The following TAFA1 variants were observed in gnomAD, a reference collection of about 807,000 sequenced individuals.
The protein encoded by TAFA1 is chemokine-like protein TAFA-1.
TAFA1 carries 4 observed loss-of-function variants against 18.5 expected under a neutral mutation model. The observed-to-expected ratio is 0.22, with a 90% confidence interval of 0.11 to 0.49. The LOEUF is 0.49. Among genes scored for constraint, TAFA1 ranks in the 20% least tolerant of loss-of-function variants. The pLI is 0.98. For synonymous variants in TAFA1, 56 were observed against 55.2 expected, an observed-to-expected ratio of 1.01 and a Z score of -0.06; for missense variants, 147 against 169.0, an observed-to-expected ratio of 0.87 and a Z score of 0.72.
At chr3:67,999,854 T>C (rs1476386142), upstream of TAFA1, among the ~76,000 whole-genome samples, 1 of 151,784 alleles carries the variant, frequency 6.6e-6, no homozygotes, top group Non-Finnish European at 1.5e-5. Flanking sequence ...GCAATGGTGA[T>C]CTCGGCTCAC....
intron 2 of TAFA1, among the ~76,000 whole-genome samples, chr3:68,248,153 G>T (rs997526130): frequency 6.6e-6 from 1 of 151,998 alleles, no homozygotes; most frequent in East Asian, 1.9e-4. Flanking sequence ...TTCAATACAT[G>T]CTCATTAAAA....
At chr3:68,174,021 A>T (rs1205625498) in intron 2 of TAFA1, among the ~76,000 whole-genome samples, 1 of 152,218 alleles carries the variant, frequency 6.6e-6, no homozygotes, top group Admixed American at 6.5e-5. Context: ...TGATAACTAA[A>T]ACCTCTTATA....
chr3:68,146,450 G>A (rs1180539242), intron 2 of TAFA1, among the ~76,000 whole-genome samples: 1 of 152,194 alleles, frequency 6.6e-6, no homozygotes, highest in African/African-American at 2.4e-5. Flanking sequence ...AGAGGCTAGT[G>A]TGGAACAAGA....
intron 2 of TAFA1, among the ~76,000 whole-genome samples, chr3:68,310,227 T>C (rs927363418): frequency 6.6e-6 from 1 of 152,160 alleles, no homozygotes; most frequent in Non-Finnish European, 1.5e-5. Context: ...AACCAAACCA[T>C]AGACTTCACC....
chr3:68,225,347 A>G (rs1244255558), intron 2 of TAFA1, among the ~76,000 whole-genome samples: 1 of 152,132 alleles, frequency 6.6e-6, no homozygotes, highest in Non-Finnish European at 1.5e-5. Context: ...GTGCCCATTT[A>G]TTCGTAGCAA....
In TAFA1 at chr3:68,258,577, T is replaced by A. The variant is rs527626106; in HGVS notation, c.119-158703T>A. The stretch of plus-strand genomic sequence containing the variant: ...AACTGAGTGGTTACCATGGTGAATC[T>A]AAGTGTTCAGAGAATAATTTCAAAT... On this transcript the variant is annotated intron_variant, in intron 2 of 4. Transcript: ENST00000478136. Among the ~76,000 whole-genome samples the A allele has an allele frequency of 2.5e-4, 38 of 152,320 alleles. 1 individual carries two copies. Among genetic ancestry groups the A allele is most frequent in the African/African-American group, 8.7e-4 (36 of 41,592 alleles).
intron 2 of TAFA1, among the ~76,000 whole-genome samples, chr3:68,104,209 A>G (rs1457258268): frequency 6.6e-6 from 1 of 152,168 alleles, no homozygotes; most frequent in Non-Finnish European, 1.5e-5. Context: ...TCAGATTAAT[A>G]TGGGTCTATT....
intron 2 of TAFA1, among the ~76,000 whole-genome samples, chr3:68,398,559 A>G (rs1451680057): frequency 6.6e-6 from 1 of 152,212 alleles, no homozygotes; most frequent in Admixed American, 6.5e-5. Context: ...GAAGTGGAGT[A>G]TAAAGCAACT....
At position 68,545,202 on chromosome 3, in the gene TAFA1, G is replaced by C. The variant is rs1399154408; in HGVS notation, c.*699G>C. On this transcript the variant is annotated 3_prime_UTR_variant, in exon 5 of 5. Coordinates refer to ENST00000478136, the MANE Select transcript of TAFA1 (RefSeq NM_213609.4). ...TATATTCAATTGATATATAATAACC[G>C]TTCTAACCTCTTCCAGGAAAATATT... is the stretch of plus-strand genomic sequence containing the variant. The C allele has an allele frequency of 6.6e-6, 1 of 152,488 alleles. No homozygotes were observed. Among genetic ancestry groups the C allele is most frequent in the African/African-American group, 2.4e-5 (1 of 41,412 alleles). The allele number at this position is 152,488 out of a possible 1,614,324, so 9.4% of individuals were successfully genotyped here.
intron 4 of TAFA1, 49 bp from the exon 5 acceptor site, chr3:68,544,437 T>C: frequency 6.3e-7 from 1 of 1,596,120 alleles, no homozygotes; most frequent in Non-Finnish European, 8.6e-7. Flanking sequence ...TCTTTGTGCC[T>C]TCAGTTTGCA....
chr3:68,501,071 C>A (rs1040484083), intron 3 of TAFA1, among the ~76,000 whole-genome samples: 1 of 144,558 alleles, frequency 6.9e-6, no homozygotes, highest in Non-Finnish European at 1.5e-5. Context: ...ACGAGAATCA[C>A]TTGAATCCAG....
chr3:68,444,281 C>T (rs916432545), intron 3 of TAFA1, among the ~76,000 whole-genome samples: 5 of 152,172 alleles, frequency 3.3e-5, no homozygotes, highest in Admixed American at 2.6e-4. Flanking sequence ...CTCTCAAGTA[C>T]TCAGACAGTC....
intron 2 of TAFA1, among the ~76,000 whole-genome samples, chr3:68,149,908 G>C (rs967681076): frequency 1.3e-5 from 2 of 152,138 alleles, no homozygotes; most frequent in East Asian, 3.9e-4. Flanking sequence ...AGGAGATGGA[G>C]CTGGGGGCTG....
chr3:68,220,417 T>C (rs1263781535), intron 2 of TAFA1, among the ~76,000 whole-genome samples: 1 of 152,092 alleles, frequency 6.6e-6, no homozygotes, highest in African/African-American at 2.4e-5. Flanking sequence ...CTTTAGCACA[T>C]ATTACAACTT....
rs558687317 is a variant in TAFA1 at position 68,079,569 on chromosome 3, T to A, written c.118+72825T>A. On this transcript the variant is annotated intron_variant, in intron 2 of 4. Coordinates refer to ENST00000478136, the MANE Select transcript of TAFA1 (RefSeq NM_213609.4). ...TTATTTCTGCCTTCATTTCGTTATG[T>A]ACCTAGTAGTCATTCAGGAGCAGGT... 4.3e-4 allele frequency among the ~76,000 whole-genome samples: 65 copies of A among 152,330 alleles called. 2 individuals carry two copies. Among genetic ancestry groups the A allele is most frequent in the African/African-American group, 1.5e-3 (61 of 41,570 alleles).
At chr3:68,480,758 T>G (rs1254583951) in intron 3 of TAFA1, among the ~76,000 whole-genome samples, 1 of 152,138 alleles carries the variant, frequency 6.6e-6, no homozygotes, top group African/African-American at 2.4e-5. Context: ...TTTGGTCACT[T>G]TATAAACTGA....
chr3:68,371,423 G>C (rs1418336310), intron 2 of TAFA1, among the ~76,000 whole-genome samples: 1 of 151,876 alleles, frequency 6.6e-6, no homozygotes, highest in African/African-American at 2.4e-5. Context: ...TCCCCTCCCT[G>C]TGTCCATGTG....
intron 2 of TAFA1, among the ~76,000 whole-genome samples, chr3:68,156,933 T>C (rs1057497759): frequency 6.6e-6 from 1 of 152,202 alleles, no homozygotes; most frequent in African/African-American, 2.4e-5. Context: ...AACTCAGATA[T>C]CCTAATTCTG....
At chr3:68,039,753 A>G (rs1705126118) in intron 2 of TAFA1, among the ~76,000 whole-genome samples, 1 of 152,164 alleles carries the variant, frequency 6.6e-6, no homozygotes. Context: ...CAGGGAAGGG[A>G]AAGCAACCAA....
Sources: gnomAD v4.1 joint callset for allele counts (sites outside exome capture counted in the v4.1 genomes callset) on GRCh38, gnomAD v4.1.1 for gene constraint, MANE v1.5 for transcripts, NCBI Gene and HGNC (gene_info 2026-07-23, HGNC 2026-07-21) for gene names.